Variants in AFF4 observed in about 807,000 individuals in gnomAD.
AFF4 encodes the protein ALF transcription elongation factor 4.
Under a neutral mutation model 124.8 loss-of-function variants are expected in AFF4, and 13 were observed. The ratio of observed to expected loss-of-function variants is 0.10; its 90% CI spans 0.07 to 0.17. The LOEUF (loss-of-function observed/expected upper bound fraction) is 0.17, where lower values mean the gene tolerates loss of function less well. Ranked by LOEUF, AFF4 falls within the 10% of genes least tolerant of loss-of-function variation. AFF4 has a pLI of 1.00. For synonymous variants in AFF4, 477 were observed against 496.1 expected (o/e 0.96, Z 0.51); for missense variants, 1,092 against 1,403.8 (o/e 0.78, Z 3.55).
intron 18 of AFF4, among the ~76,000 whole-genome samples, chr5:132,885,438 T>G (rs1760091346): frequency 9.0e-6 from 1 of 111,236 alleles, no homozygotes; most frequent in Admixed American, 1.3e-4. Flanking sequence ...CCATGATCGT[T>G]TTTTTTAAAA....
chr5:132,938,116 A>T (rs12521723), intron 1 of AFF4, among the ~76,000 whole-genome samples: 21,931 of 148,880 alleles, frequency 0.15, 1,683 homozygotes, highest in South Asian at 0.2. Flanking sequence ...TTTTTTTTTT[A>T]AAAAAAAAGG....
rs534495649 is a variant in AFF4 at position 132,911,351 on chromosome 5, G to A, written c.1051-6947C>T. The stretch of plus-strand genomic sequence containing the variant: ...AACAAGTTGTCAAATCTCATGCCAG[G>A]AACATAGTAAGAAGTTAATAAATAT... On this transcript the variant is annotated intron_variant, in intron 5 of 20. Transcript: ENST00000265343. Among the ~76,000 whole-genome samples the A allele has an allele frequency of 9.5e-4, 145 of 152,012 alleles. 1 individual carries two copies. The highest frequency in any genetic ancestry group is 3.3e-3 in the African/African-American group (138 of 41,474).
At chr5:132,890,337 A>G (rs1760224051) in intron 13 of AFF4, among the ~76,000 whole-genome samples, 1 of 151,846 alleles carries the variant, frequency 6.6e-6, no homozygotes, top group Admixed American at 6.6e-5. Flanking sequence ...TGGTGCAATC[A>G]TGGCTCACTG....
At chr5:132,917,178 C>G (rs766973545) in intron 5 of AFF4, among the ~76,000 whole-genome samples, 87 of 152,184 alleles carry the variant, frequency 5.7e-4, no homozygotes, top group Admixed American at 1.6e-3. Flanking sequence ...CTCAGCCTCC[C>G]AAAGTGCTGG....
rs35994411 is a variant in AFF4 at position 132,942,460 on chromosome 5, C to CT, written c.-4-5268dup. Among the ~76,000 whole-genome samples, 448 of 134,084 alleles carry CT rather than the reference C, an allele frequency of 3.3e-3. 2 individuals are homozygous for CT. The highest frequency in any genetic ancestry group is 5.5e-3 in the South Asian group (23 of 4,194). 88.0% of individuals were successfully genotyped at this position (134,084 alleles called of 152,430 possible). A position where few individuals can be genotyped will look rare whatever the true frequency, so the allele number is the denominator to read the frequency against. Reference sequence around the variant, plus strand: ...GCCCCCTGAACTCAGTCCTTTTGACCTTTTTTTTTTTTTTTTTTTTAAAGA... The same window carrying CT: ...GCCCCCTGAACTCAGTCCTTTTGACCTTTTTTTTTTTTTTTTTTTTTAAAGA... On this transcript the variant is annotated intron_variant, in intron 1 of 20. Coordinates refer to ENST00000265343, the MANE Select transcript of AFF4 (RefSeq NM_014423.4).
intron 1 of AFF4, among the ~76,000 whole-genome samples, chr5:132,952,076 C>T (rs1294938607): frequency 6.6e-6 from 1 of 152,160 alleles, no homozygotes; most frequent in East Asian, 1.9e-4. Flanking sequence ...CCATTACAAA[C>T]AATGCTAAAT....
intron 5 of AFF4, among the ~76,000 whole-genome samples, chr5:132,920,625 G>C (rs1761021415): frequency 6.6e-6 from 1 of 151,962 alleles, no homozygotes; most frequent in African/African-American, 2.4e-5. Context: ...AAAGTGCTAG[G>C]ATTACAGGCA....
chr5:132,923,255 G>T (rs1196681335), intron 5 of AFF4, among the ~76,000 whole-genome samples: 1 of 152,050 alleles, frequency 6.6e-6, no homozygotes, highest in Non-Finnish European at 1.5e-5. Flanking sequence ...GGAGGCTGAG[G>T]CAGGAGGATC....
chr5:132,914,812 G>A (rs1028235187), intron 5 of AFF4, among the ~76,000 whole-genome samples: 2 of 152,156 alleles, frequency 1.3e-5, no homozygotes, highest in Non-Finnish European at 2.9e-5. Flanking sequence ...AATAGAATAT[G>A]TTATATGTAT....
intron 1 of AFF4, among the ~76,000 whole-genome samples, chr5:132,942,053 G>A (rs1206984411): frequency 2.0e-5 from 3 of 151,320 alleles, no homozygotes; most frequent in Non-Finnish European, 4.4e-5. Flanking sequence ...GAAAATACCA[G>A]CTGGGTGTTC....
chr5:132,948,284 C>T (rs1761748581), intron 1 of AFF4, among the ~76,000 whole-genome samples: 1 of 152,152 alleles, frequency 6.6e-6, no homozygotes, highest in Non-Finnish European at 1.5e-5. Context: ...CTCCTGACCT[C>T]ATGATCCGCC....
chr5:132,884,120 T>C (rs987319714), intron 19 of AFF4, among the ~76,000 whole-genome samples: 1 of 152,204 alleles, frequency 6.6e-6, no homozygotes, highest in Non-Finnish European at 1.5e-5. Context: ...AAAACATACA[T>C]GTTGAAATCT....
chr5:132,876,419 A>C lies in AFF4; in HGVS notation c.*4640T>G. The stretch of plus-strand genomic sequence containing the variant: ...TTCCAATGGTTAAAAGCTGAAAAGA[A>C]GTCCCACATGGAAGCAGTAAGAGGT... On this transcript the variant is annotated 3_prime_UTR_variant, in exon 21 of 21. Transcript: ENST00000265343. 1 of 225,456 alleles carries C rather than the reference A, an allele frequency of 4.4e-6. No homozygotes were observed. The allele number at this position is 225,456 out of a possible 1,614,324, so 14.0% of individuals were successfully genotyped here.
At chr5:132,905,952 T>A (rs1276114249) in intron 5 of AFF4, among the ~76,000 whole-genome samples, 3 of 151,976 alleles carry the variant, frequency 2.0e-5, no homozygotes, top group Non-Finnish European at 4.4e-5. Flanking sequence ...ACAAGCCAAT[T>A]AAAAAACAGG....
At chr5:132,937,234 G>C (rs373459682) in intron 1 of AFF4, 41 bp from the exon 2 acceptor site, 125 of 1,551,704 alleles carry the variant, frequency 8.1e-5, no homozygotes, top group Non-Finnish European at 1.0e-4. Context: ...AGAAATAAAA[G>C]GAAAAATTAA....
chr5:132,941,026 CA>C (rs35070481), intron 1 of AFF4, among the ~76,000 whole-genome samples: 74,977 of 144,190 alleles, frequency 0.52, 19,150 homozygotes, highest in East Asian at 0.71. Flanking sequence ...AACTACATCT[CA>C]AAAAAAAAAA....
In AFF4 at chr5:132,950,050, G is replaced by A. The variant is rs553815763; in HGVS notation, c.-4-12857C>T. Among the ~76,000 whole-genome samples, 3 of 151,984 alleles carry A rather than the reference G, an allele frequency of 2.0e-5. No individual in the cohort carries two copies. The South Asian group carries it at 6.2e-4, about 32-fold the overall frequency. ...AAATAAACAAATGAAAATAAAAAGC[G>A]GCCAGGCATGGTGGCTCATGCCTGT... On this transcript the variant is annotated intron_variant, in intron 1 of 20. Coordinates refer to ENST00000265343, the MANE Select transcript of AFF4 (RefSeq NM_014423.4).
In AFF4 at chr5:132,893,138, C is replaced by T. The variant is rs775461322; in HGVS notation, c.2308-20G>A. ...TTCATTCTAGATGAAAAATAGAAAC[C>T]GTGGTCTGATTTTTATTCAACTAAC... On this transcript the variant is annotated intron_variant, in intron 11 of 20. Transcript: ENST00000265343. The T allele has an allele frequency of 4.9e-5, 79 of 1,608,296 alleles. No homozygotes were observed. The highest frequency in any genetic ancestry group is 1.6e-4 in the Middle Eastern group (1 of 6,068).
At chr5:132,942,626 G>A (rs1761600178) in intron 1 of AFF4, among the ~76,000 whole-genome samples, 1 of 152,160 alleles carries the variant, frequency 6.6e-6, no homozygotes, top group Non-Finnish European at 1.5e-5. Context: ...CACCATGCCA[G>A]GATGATTTTG....
Sources: gnomAD v4.1 joint callset for allele counts (sites outside exome capture counted in the v4.1 genomes callset) on GRCh38, gnomAD v4.1.1 for gene constraint, MANE v1.5 for transcripts, NCBI Gene and HGNC (gene_info 2026-07-23, HGNC 2026-07-21) for gene names.